Variants in KIAA1217 observed in about 807,000 individuals in gnomAD.
KIAA1217 encodes sickle tail protein homolog.
KIAA1217 carries 88 observed loss-of-function variants against 163.9 expected under a neutral mutation model. The ratio of observed to expected loss-of-function variants is 0.54; its 90% CI spans 0.45 to 0.64. The LOEUF is 0.64. Among genes scored for constraint, KIAA1217 ranks in the 30% least tolerant of loss-of-function variants. KIAA1217 has a pLI of 0.00. For synonymous variants in KIAA1217, 903 were observed against 923.1 expected, an observed-to-expected ratio of 0.98 and a Z score of 0.39; for missense variants, 2,372 against 2,475.0, an observed-to-expected ratio of 0.96 and a Z score of 0.88.
intron 1 of KIAA1217, among the ~76,000 whole-genome samples, chr10:23,827,415 C>G (rs1330111290): frequency 6.6e-6 from 1 of 152,114 alleles, no homozygotes; most frequent in African/African-American, 2.4e-5. Flanking sequence ...CTTTGATGTC[C>G]CTTACTTTCG....
In KIAA1217 at chr10:24,545,022, C is replaced by T. The variant is rs2075573801; in HGVS notation, c.5253C>T (p.Pro1751=). ...CACAGACGAGCAGGATGCCTGTCCC[C>T]ATGAGTGCCAAGAACAGACCCGGAA... ...GAPQTSRMPV[P]MSAKNRPGTL... is the part of the protein sequence containing the mutation. Residue 1751 remains proline (P), a synonymous_variant, in exon 20 of 21, where the codon CCC becomes CCT. Transcript: ENST00000376454. 1.2e-6 allele frequency: 2 copies of T among 1,613,996 alleles called. No individual in the cohort carries two copies. Among genetic ancestry groups the T allele is most frequent in the Non-Finnish European group, 1.7e-6 (2 of 1,180,016 alleles).
intron 1 of KIAA1217, among the ~76,000 whole-genome samples, chr10:23,783,246 G>A (rs559365359): frequency 2.6e-5 from 4 of 152,252 alleles, no homozygotes; most frequent in Non-Finnish European, 1.5e-5. Flanking sequence ...ACAACTTTGC[G>A]TTGGGCCACA....
upstream of KIAA1217, among the ~76,000 whole-genome samples, chr10:24,204,813 C>T (rs1026616396): frequency 4.6e-5 from 7 of 152,196 alleles, no homozygotes; most frequent in African/African-American, 1.7e-4. Flanking sequence ...AATGTTATCC[C>T]AGTTGTTAAA....
At chr10:24,115,699 G>A (rs1176309371) in intron 2 of KIAA1217, among the ~76,000 whole-genome samples, 5 of 152,198 alleles carry the variant, frequency 3.3e-5, no homozygotes, top group African/African-American at 1.2e-4. Flanking sequence ...TCTAAGGATG[G>A]AAGATGCTAA....
chr10:24,316,085 A>G (rs570162175), intron 2 of KIAA1217, among the ~76,000 whole-genome samples: 6 of 152,166 alleles, frequency 3.9e-5, no homozygotes, highest in Admixed American at 6.5e-5. Context: ...AGCACCTGCC[A>G]CTGGTCTTCA....
intron 1 of KIAA1217, among the ~76,000 whole-genome samples, chr10:23,984,564 C>A (rs1007821874): frequency 1.3e-5 from 2 of 152,084 alleles, no homozygotes; most frequent in South Asian, 4.1e-4. Context: ...ACATATACAC[C>A]ATGGAATACT....
At chr10:24,220,753 C>A (rs1465991177) in intron 2 of KIAA1217, among the ~76,000 whole-genome samples, 1 of 134,566 alleles carries the variant, frequency 7.4e-6, no homozygotes, top group Non-Finnish European at 1.6e-5. Context: ...TGCACCCCGG[C>A]CTTTTTTTTT....
chr10:24,383,900 G>A (rs6482387), intron 3 of KIAA1217, among the ~76,000 whole-genome samples: 78,565 of 152,122 alleles, frequency 0.52, 22,869 homozygotes, highest in African/African-American at 0.8. Context: ...CTCACAGCAA[G>A]TGCAAATGCA....
intron 20 of KIAA1217, 108 bp downstream of exon 20, chr10:24,545,211 A>G: frequency 6.6e-7 from 1 of 1,520,268 alleles, no homozygotes; most frequent in Non-Finnish European, 8.9e-7. Flanking sequence ...AACGGTTTAC[A>G]TAGACATCCT....
chr10:23,820,654 G>A (rs749015898), intron 1 of KIAA1217, among the ~76,000 whole-genome samples: 1 of 152,214 alleles, frequency 6.6e-6, no homozygotes, highest in African/African-American at 2.4e-5. Flanking sequence ...TATTTGCAAA[G>A]ACATCAGGCT....
rs180951245 is a variant in KIAA1217 at position 23,951,300 on chromosome 10, A to G, written c.-320-55925A>G. Among the ~76,000 whole-genome samples, 17 of 152,296 alleles carry G rather than the reference A, an allele frequency of 1.1e-4. No individual in the cohort carries two copies. The East Asian group carries it at 3.3e-3, about 29-fold the overall frequency. ...AGCACAGCTTCTCCTAGGAACTCCA[A>G]GGTTGCTAGTAATGTCCTCATTTTA... On this transcript the variant is annotated intron_variant, in intron 1 of 18. Transcript: ENST00000376462.
At chr10:24,444,873 G>A (rs538220539) in intron 5 of KIAA1217, among the ~76,000 whole-genome samples, 3 of 152,262 alleles carry the variant, frequency 2.0e-5, no homozygotes, top group Admixed American at 2.0e-4. Flanking sequence ...TGTTTTGTGT[G>A]TTGGCTTCAT....
chr10:24,241,391 T>C (rs1224216824), intron 2 of KIAA1217, among the ~76,000 whole-genome samples: 1 of 152,236 alleles, frequency 6.6e-6, no homozygotes, highest in Non-Finnish European at 1.5e-5. Flanking sequence ...ATATTAATTA[T>C]GCTTTTGCCA....
In KIAA1217 at chr10:23,989,365, C is replaced by A. The variant is rs183559208; in HGVS notation, c.-320-17860C>A. Among the ~76,000 whole-genome samples the A allele has an allele frequency of 7.2e-5, 11 of 152,248 alleles. No homozygotes were observed. The East Asian group carries it at 1.9e-3, about 27-fold the overall frequency. On this transcript the variant is annotated intron_variant, in intron 1 of 18. Transcript: ENST00000376462. Reference sequence around the variant, plus strand: ...AATGGAGACCCCAACATGTGTAAAACTATGTATTTTTTTATGTTAGCTTTG... The same window carrying A: ...AATGGAGACCCCAACATGTGTAAAAATATGTATTTTTTTATGTTAGCTTTG...
intron 1 of KIAA1217, among the ~76,000 whole-genome samples, chr10:23,818,024 CACACATATATATACATATATAT>C (rs1837417281): frequency 2.9e-5 from 3 of 102,002 alleles, no homozygotes; most frequent in African/African-American, 4.9e-5. Flanking sequence ...CATATATATA[CACACATATATATACATATATAT>C]ACACATATAT....
intron 2 of KIAA1217, among the ~76,000 whole-genome samples, chr10:24,126,775 G>A (rs1203541810): frequency 1.3e-5 from 2 of 151,722 alleles, no homozygotes; most frequent in Non-Finnish European, 2.9e-5. Context: ...GAAACAGATA[G>A]GCATCATTAT....
chr10:24,394,396 T>G (rs1462181687), intron 3 of KIAA1217, among the ~76,000 whole-genome samples: 1 of 152,174 alleles, frequency 6.6e-6, no homozygotes, highest in Non-Finnish European at 1.5e-5. Flanking sequence ...TAAAAATAAA[T>G]TACTTGTTTT....
chr10:23,777,406 A>C (rs962148500), intron 1 of KIAA1217, among the ~76,000 whole-genome samples: 2 of 152,226 alleles, frequency 1.3e-5, no homozygotes, highest in Non-Finnish European at 2.9e-5. Context: ...TGTTAGAGTT[A>C]AGAGGGAAGT....
intron 1 of KIAA1217, among the ~76,000 whole-genome samples, chr10:23,813,128 T>C (rs1837151510): frequency 6.6e-6 from 1 of 152,172 alleles, no homozygotes; most frequent in Non-Finnish European, 1.5e-5. Context: ...GATGATAGCA[T>C]CCTAGTGTGT....
Sources: gnomAD v4.1 joint callset for allele counts (sites outside exome capture counted in the v4.1 genomes callset) on GRCh38, gnomAD v4.1.1 for gene constraint, MANE v1.5 for transcripts, NCBI Gene and HGNC (gene_info 2026-07-23, HGNC 2026-07-21) for gene names.